Variants in TEX10 observed in about 807,000 individuals in gnomAD.
TEX10 encodes testis expressed 10.
A neutral mutation model predicts 104.4 loss-of-function variants in TEX10; 24 were observed. The observed-to-expected ratio is 0.23, with a 90% confidence interval of 0.17 to 0.32. The LOEUF (loss-of-function observed/expected upper bound fraction) is 0.32, where lower values mean the gene tolerates loss of function less well. Among genes scored for constraint, TEX10 ranks in the 10% least tolerant of loss-of-function variants. The probability of loss-of-function intolerance (pLI) is 1.00; values close to 1 mark genes in which losing one functional copy is unlikely to be tolerated. For missense variants in TEX10, 921 were observed against 1,083.9 expected (o/e 0.85, Z 2.11); for synonymous variants, 396 against 393.4 (o/e 1.01, Z -0.08).
chr9:100,334,010 A>G (rs1239289883), intron 5 of TEX10, among the ~76,000 whole-genome samples: 2 of 152,194 alleles, frequency 1.3e-5, no homozygotes, highest in Non-Finnish European at 2.9e-5. Context: ...ATAAAAGATT[A>G]AAAAATAGGT....
At chr9:100,319,184 C>T (rs991598828) in intron 11 of TEX10, among the ~76,000 whole-genome samples, 1 of 152,000 alleles carries the variant, frequency 6.6e-6, no homozygotes, top group Admixed American at 6.5e-5. Flanking sequence ...AAAAGCGAGA[C>T]TCCATCTCAA....
At chr9:100,349,088 TTACTC>T (rs1433543819) in intron 2 of TEX10, 91 bp downstream of exon 2, 12 of 1,061,872 alleles carry the variant, frequency 1.1e-5, no homozygotes, top group African/African-American at 6.6e-5. Context: ...GGCAAACTAT[TTACTC>T]TAAGAGTTTA....
intron 11 of TEX10, among the ~76,000 whole-genome samples, chr9:100,311,664 G>A (rs1382447868): frequency 6.6e-6 from 1 of 152,058 alleles, no homozygotes; most frequent in Non-Finnish European, 1.5e-5. Context: ...AGGTAAAAAA[G>A]AAATCTGCAC....
rs1417412392 is a variant in TEX10 at position 100,326,477 on chromosome 9, G to C, written c.1804C>G (p.Pro602Ala). 1.2e-6 allele frequency: 2 copies of C among 1,612,776 alleles called. No individual in the cohort carries two copies. Among genetic ancestry groups the C allele is most frequent in the Non-Finnish European group, 1.7e-6 (2 of 1,179,410 alleles). The change falls in exon 9 of 15, where the codon CCA becomes GCA. Residue 602 changes from proline to alanine, a missense_variant and splice_region_variant. Physicochemically the swap from Pro to Ala is conservative, Grantham distance 27. This residue lies in a region of TEX10 where 753 missense variants were observed against 868.4 expected (regional missense o/e 0.87). Coordinates refer to ENST00000374902, the MANE Select transcript of TEX10 (RefSeq NM_017746.4). ...LQATALRIYD[P>A]QEGAVVVLPA... ...AGAACCACCACAGCACCTTCTTGTG[G>C]ATCTAGTGAGGTGGATAGACATATT...
rs1052985810 is a variant in TEX10, at chr9:100,352,795, G to A, written c.-33C>T. 6.5e-6 allele frequency: 7 copies of A among 1,070,036 alleles called. No homozygotes were observed. Among genetic ancestry groups the A allele is most frequent in the Non-Finnish European group, 7.9e-6 (7 of 886,698 alleles). 66.3% of individuals were successfully genotyped at this position (1,070,036 alleles called of 1,614,324 possible). ...ACCTGAGGACCCGGCCGCGGCCGGG[G>A]CGAGAAGCCCGAGAAGACAAGCGAG... On this transcript the variant is annotated 5_prime_UTR_variant, in exon 1 of 15. Transcript: ENST00000374902.
chr9:100,302,210 G>A lies in TEX10; in HGVS notation c.2771C>T (p.Ala924Val), dbSNP rs983299516. ...YITGHPQGPSALATVY is the reference protein window; with the variant it reads ...YITGHPQGPSVLATVY ...GCCTCTTCAATACACTGTAGCCAGT[G>A]CACTGGGCCCTTGGGGATGCCCAGT... The change falls in exon 15 of 15, where the codon GCA (alanine) becomes GTA (valine). Residue 924 changes from alanine to valine, a missense_variant. This residue lies in a region of TEX10 where 753 missense variants were observed against 868.4 expected (regional missense o/e 0.87). Coordinates refer to ENST00000374902, the MANE Select transcript of TEX10 (RefSeq NM_017746.4). 5.0e-6 allele frequency: 8 copies of A among 1,609,750 alleles called. No individual in the cohort carries two copies. Among genetic ancestry groups the A allele is most frequent in the Non-Finnish European group, 6.8e-6 (8 of 1,177,040 alleles).
intron 9 of TEX10, among the ~76,000 whole-genome samples, chr9:100,325,679 C>T (rs1175547343): frequency 6.6e-6 from 1 of 152,110 alleles, no homozygotes; most frequent in Non-Finnish European, 1.5e-5. Flanking sequence ...TATAGGCATG[C>T]ACCATCATGC....
At chr9:100,320,587 T>C (rs1422868446) in intron 10 of TEX10, among the ~76,000 whole-genome samples, 189 bp from the exon 11 acceptor site, 1 of 152,212 alleles carries the variant, frequency 6.6e-6, no homozygotes, top group Non-Finnish European at 1.5e-5. Flanking sequence ...GTTAAATTCA[T>C]ATAATTATAT....
At chr9:100,330,211 C>A in intron 5 of TEX10, 42 bp from the exon 6 acceptor site, 2 of 1,348,950 alleles carry the variant, frequency 1.5e-6, no homozygotes, top group Non-Finnish European at 2.1e-6. Flanking sequence ...ATTACGTCTA[C>A]CATGCCTGCT....
chr9:100,344,808 T>C lies in TEX10; in HGVS notation c.1137+1264A>G, dbSNP rs192489568. On this transcript the variant is annotated intron_variant, in intron 4 of 14. Coordinates refer to ENST00000374902, the MANE Select transcript of TEX10 (RefSeq NM_017746.4). ...TCTCAGTGAGCCAAGATCGTGCCAC[T>C]GTACTCCAGCCTAGGCAACAAGAGC... Among the ~76,000 whole-genome samples the C allele has an allele frequency of 8.5e-4, 130 of 152,290 alleles. 1 individual carries two copies. Among genetic ancestry groups the C allele is most frequent in the East Asian group, 1.9e-3 (10 of 5,170 alleles).
intron 12 of TEX10, among the ~76,000 whole-genome samples, chr9:100,309,437 G>A (rs888901441): frequency 3.3e-5 from 5 of 152,286 alleles, no homozygotes; most frequent in East Asian, 1.9e-4. Context: ...GAAAATAGTG[G>A]CCAAGACTGA....
At chr9:100,330,304 G>A in intron 5 of TEX10, 135 bp from the exon 6 acceptor site, 1 of 702,822 alleles carries the variant, frequency 1.4e-6, no homozygotes, top group Admixed American at 2.3e-5. Flanking sequence ...GAAGATAGGT[G>A]CATAGGCAAG....
chr9:100,346,772 T>G lies in TEX10; in HGVS notation c.815A>C (p.His272Pro). The G allele has an allele frequency of 6.2e-7, 1 of 1,614,194 alleles. No individual in the cohort carries two copies. Among genetic ancestry groups the G allele is most frequent in the East Asian group, 2.2e-5 (1 of 44,882 alleles). ...SNSIFINWKE[H>P]ANDQQHIQVY... ...CTGGATGTGTTGCTGGTCGTTGGCA[T>G]GTTCCTTCCAGTTGATAAAAATGGA... The change falls in exon 3 of 15, where the codon CAT (histidine) becomes CCT (proline). Residue 272 changes from histidine to proline, a missense_variant. By Grantham distance (77) the His-to-Pro change is moderately conservative. Transcript: ENST00000374902.
intron 13 of TEX10, among the ~76,000 whole-genome samples, chr9:100,308,048 G>A (rs1232865269): frequency 2.0e-5 from 3 of 152,046 alleles, no homozygotes; most frequent in Non-Finnish European, 4.4e-5. Context: ...TTTTATATAC[G>A]AGCAAAAGTA....
In TEX10 at chr9:100,330,164, T is replaced by C. The variant is rs773092384; in HGVS notation, c.1256A>G (p.Lys419Arg). ...HKRKEPNKSI[K>R]HCTVLSNNID... ...GTTATTGGAGAGAACTGTGCAATGC[T>C]TGATGCTAGAAACAAAGACACACAC... The change falls in exon 6 of 15, where the codon AAG becomes AGG. Residue 419 changes from lysine (K) to arginine (R), a missense_variant. Lys to Arg is a conservative substitution (Grantham distance 26). Transcript: ENST00000374902. 3.8e-6 allele frequency: 6 copies of C among 1,593,736 alleles called. No individual in the cohort carries two copies. The highest frequency in any genetic ancestry group is 1.7e-4 in the Middle Eastern group (1 of 5,978).
At chr9:100,305,092 G>C (rs1221067784) in intron 13 of TEX10, 1 of 152,172 alleles carries the variant, frequency 6.6e-6, no homozygotes, top group African/African-American at 2.4e-5. Flanking sequence ...AGGTGACCTT[G>C]CAGCTAGCCT....
At chr9:100,347,437 T>C (rs1367932037) in intron 2 of TEX10, 31 bp from the exon 3 acceptor site, 6 of 1,491,532 alleles carry the variant, frequency 4.0e-6, no homozygotes, top group Non-Finnish European at 5.4e-6. Context: ...TTTAGATGTA[T>C]ACTTATATAC....
In TEX10 at chr9:100,347,086, C is replaced by T. The variant is rs1253673593; in HGVS notation, c.501G>A (p.Leu167=). Residue 167 remains leucine (L), a synonymous_variant, in exon 3 of 15, where the codon CTG becomes CTA. Coordinates refer to ENST00000374902, the MANE Select transcript of TEX10 (RefSeq NM_017746.4). ...TAATTAGAGCTGGGTACTGTTCCAG[C>T]AGAATGTCCAAAACTTTTAAAGAGT... ...QEDSLKVLDI[L]LEQYPALITG... 1.2e-6 allele frequency: 2 copies of T among 1,614,044 alleles called. No individual in the cohort carries two copies. The highest frequency in any genetic ancestry group is 1.7e-6 in the Non-Finnish European group (2 of 1,180,038).
chr9:100,322,665 G>C (rs926969169), intron 9 of TEX10, among the ~76,000 whole-genome samples: 1 of 151,890 alleles, frequency 6.6e-6, no homozygotes, highest in Non-Finnish European at 1.5e-5. Context: ...GCCCAGGCTG[G>C]AGTGCAATGG....
Sources: gnomAD v4.1 joint callset for allele counts (sites outside exome capture counted in the v4.1 genomes callset) on GRCh38, gnomAD v4.1.1 for gene constraint, gnomAD v4.1.1 regional missense constraint, MANE v1.5 for transcripts, NCBI Gene and HGNC (gene_info 2026-07-23, HGNC 2026-07-21) for gene names.